Variants in PPM1E observed in about 807,000 individuals in gnomAD.
PPM1E encodes protein phosphatase 1E.
PPM1E carries 20 observed loss-of-function variants against 65.9 expected under a neutral mutation model. That is an observed-to-expected ratio of 0.30 (90% CI 0.21 to 0.44). The LOEUF is 0.44. Among genes scored for constraint, PPM1E ranks in the 20% least tolerant of loss-of-function variants. The pLI is 1.00. For missense variants in PPM1E, 713 were observed against 953.1 expected (o/e 0.75, Z 3.32); for synonymous variants, 352 against 374.9 (o/e 0.94, Z 0.70).
intron 1 of PPM1E, among the ~76,000 whole-genome samples, chr17:58,872,152 C>T (rs1262210738): frequency 6.6e-6 from 1 of 152,054 alleles, no homozygotes; most frequent in Non-Finnish European, 1.5e-5. Flanking sequence ...ACAAAATTAG[C>T]TGGGCATGGT....
intron 1 of PPM1E, among the ~76,000 whole-genome samples, chr17:58,848,140 C>G (rs543581699): frequency 5.3e-4 from 80 of 152,282 alleles, no homozygotes; most frequent in African/African-American, 1.9e-3. Flanking sequence ...TGAGACTTTG[C>G]TGAAGTTGCA....
In PPM1E at chr17:58,821,717, T is replaced by C. The variant is rs148369202; in HGVS notation, c.464+65256T>C. Among the ~76,000 whole-genome samples the C allele has an allele frequency of 7.2e-5, 11 of 152,262 alleles. No homozygotes were observed. The East Asian group carries it at 2.1e-3, about 29-fold the overall frequency. ...GATGGAAATAGAGTAATAACCGAAG[T>C]CTTCTTTAACAATGAAGAAACTTAT... is the stretch of plus-strand genomic sequence containing the variant. On this transcript the variant is annotated intron_variant, in intron 1 of 6. Coordinates refer to ENST00000308249, the MANE Select transcript of PPM1E (RefSeq NM_014906.5).
chr17:58,881,099 C>A (rs2051189634), intron 1 of PPM1E, among the ~76,000 whole-genome samples: 1 of 152,126 alleles, frequency 6.6e-6, no homozygotes, highest in Admixed American at 6.5e-5. Context: ...GGATAATATT[C>A]ACTTCCCATC....
intron 1 of PPM1E, among the ~76,000 whole-genome samples, chr17:58,775,884 G>A (rs1312477570): frequency 1.7e-5 from 2 of 114,506 alleles, no homozygotes; most frequent in African/African-American, 6.6e-5. Context: ...ACTGCAGTCC[G>A]CAGTCCGGCC....
chr17:58,891,770 A>C (rs2051348472), intron 1 of PPM1E, among the ~76,000 whole-genome samples: 1 of 151,854 alleles, frequency 6.6e-6, no homozygotes, highest in Non-Finnish European at 1.5e-5. Context: ...TCTATTTGGA[A>C]AGGAACATAT....
chr17:58,950,765 T>G (rs6503888), intron 1 of PPM1E, among the ~76,000 whole-genome samples: 1 of 149,760 alleles, frequency 6.7e-6, no homozygotes, highest in Admixed American at 6.7e-5. Context: ...GCTCTAAGAT[T>G]CCTGTTTGGT....
chr17:58,937,942 G>T (rs1247321095), intron 1 of PPM1E, among the ~76,000 whole-genome samples: 2 of 149,752 alleles, frequency 1.3e-5, no homozygotes, highest in Non-Finnish European at 3.0e-5. Context: ...AAAATGTGAA[G>T]GATTCTTTCC....
chr17:58,847,060 A>C (rs1159227588), intron 1 of PPM1E, among the ~76,000 whole-genome samples: 4 of 152,088 alleles, frequency 2.6e-5, no homozygotes, highest in African/African-American at 9.7e-5. Flanking sequence ...TGGCTGCATA[A>C]ATGTCTTTTT....
intron 1 of PPM1E, among the ~76,000 whole-genome samples, chr17:58,827,897 A>G (rs972164729): frequency 2.5e-5 from 2 of 80,850 alleles, no homozygotes; most frequent in Admixed American, 2.2e-4. Context: ...GCGAGACTCC[A>G]TCTCAAAAAA....
intron 1 of PPM1E, among the ~76,000 whole-genome samples, chr17:58,844,852 C>T (rs1410356097): frequency 6.6e-6 from 1 of 152,146 alleles, no homozygotes; most frequent in African/African-American, 2.4e-5. Flanking sequence ...CAAAGAACAT[C>T]ACAACATCTT....
In PPM1E at chr17:58,982,533, C is replaced by T; in HGVS notation, c.*1502C>T. On this transcript the variant is annotated 3_prime_UTR_variant, in exon 7 of 7. Transcript: ENST00000308249. Reference sequence around the variant, plus strand: ...TGTTTATAGGATAGTACACGTTCCCCAGGCCCATAACAGAGGACTAAAATC... The same window carrying T: ...TGTTTATAGGATAGTACACGTTCCCTAGGCCCATAACAGAGGACTAAAATC... The T allele has an allele frequency of 4.7e-6, 1 of 210,752 alleles. No homozygotes were observed. Among genetic ancestry groups the T allele is most frequent in the Non-Finnish European group, 9.6e-6 (1 of 104,006 alleles). The allele number at this position is 210,752 out of a possible 1,614,324, so 13.1% of individuals were successfully genotyped here.
At chr17:58,794,841 C>G (rs2050190715) in intron 1 of PPM1E, among the ~76,000 whole-genome samples, 2 of 149,124 alleles carry the variant, frequency 1.3e-5, no homozygotes, top group South Asian at 2.1e-4. Context: ...GATCCCATGT[C>G]TTTGACATTG....
chr17:58,895,187 A>C (rs1340193061), intron 1 of PPM1E, among the ~76,000 whole-genome samples: 1 of 152,084 alleles, frequency 6.6e-6, no homozygotes, highest in Non-Finnish European at 1.5e-5. Flanking sequence ...GAACTTAATA[A>C]ATATTGTGTG....
chr17:58,874,401 A>G (rs1200726628), intron 1 of PPM1E, among the ~76,000 whole-genome samples: 1 of 152,194 alleles, frequency 6.6e-6, no homozygotes, highest in African/African-American at 2.4e-5. Flanking sequence ...CTCACTACTG[A>G]AGAACAAATA....
chr17:58,796,841 C>T (rs1018997922), intron 1 of PPM1E, among the ~76,000 whole-genome samples: 7 of 152,158 alleles, frequency 4.6e-5, no homozygotes, highest in African/African-American at 1.7e-4. Flanking sequence ...CATGGTGGCT[C>T]ACACCTGTAA....
chr17:58,901,455 C>T (rs2051497575), intron 1 of PPM1E, among the ~76,000 whole-genome samples: 1 of 152,088 alleles, frequency 6.6e-6, no homozygotes. Context: ...AGGCAGATCA[C>T]CTGAGGTCAG....
chr17:58,863,511 A>G (rs1220872336), intron 1 of PPM1E, among the ~76,000 whole-genome samples: 1 of 152,062 alleles, frequency 6.6e-6, no homozygotes, highest in African/African-American at 2.4e-5. Context: ...CCCAGAGGGC[A>G]TATCACTAGC....
At chr17:58,756,741 C>G (rs1210329654) in intron 1 of PPM1E, among the ~76,000 whole-genome samples, 1 of 152,116 alleles carries the variant, frequency 6.6e-6, no homozygotes, top group Non-Finnish European at 1.5e-5. Context: ...GGCCCGGGCC[C>G]CTCATCCCCT....
At chr17:58,862,948 CTTTCT>C (rs2050958466) in intron 1 of PPM1E, among the ~76,000 whole-genome samples, 1 of 152,098 alleles carries the variant, frequency 6.6e-6, no homozygotes, top group African/African-American at 2.4e-5. Context: ...AAATCAAATG[CTTTCT>C]TAAAAGCTAA....
Sources: allele counts gnomAD v4.1 joint callset (sites outside exome capture counted in the v4.1 genomes callset), GRCh38; gene constraint gnomAD v4.1.1; transcripts MANE v1.5; gene names NCBI Gene and HGNC (gene_info 2026-07-23, HGNC 2026-07-21).